Variants in PRKCA observed in about 807,000 individuals in gnomAD.
The protein encoded by PRKCA is protein kinase C alpha type.
PRKCA carries 27 observed loss-of-function variants against 87.0 expected under a neutral mutation model. The ratio of observed to expected loss-of-function variants is 0.31; its 90% CI spans 0.23 to 0.43. The LOEUF (loss-of-function observed/expected upper bound fraction) is 0.43, where lower values mean the gene tolerates loss of function less well. PRKCA is among the 20% of genes least tolerant of loss of function. The pLI is 1.00. For missense variants in PRKCA, 518 were observed against 852.3 expected (o/e 0.61, Z 4.88); for synonymous variants, 329 against 311.1 (o/e 1.06, Z -0.61).
intron 3 of PRKCA, among the ~76,000 whole-genome samples, chr17:66,566,480 G>GTT (rs56912157): frequency 3.0e-3 from 292 of 96,878 alleles, no homozygotes; most frequent in African/African-American, 3.2e-3. Flanking sequence ...TTGTTTTTTG[G>GTT]TTTTTTTTTT....
At chr17:66,316,291 G>GT (rs1905312778) in intron 2 of PRKCA, among the ~76,000 whole-genome samples, 1 of 152,082 alleles carries the variant, frequency 6.6e-6, no homozygotes, top group Non-Finnish European at 1.5e-5. Context: ...TAAATACATG[G>GT]TTTCCTCTTG....
At position 66,808,014 on chromosome 17, in the gene PRKCA, T is replaced by A. The variant is rs1182332195; in HGVS notation, c.*3977T>A. 6.6e-6 allele frequency: 1 copy of A among 152,166 alleles called. No homozygotes were observed. The highest frequency in any genetic ancestry group is 1.5e-5 in the Non-Finnish European group (1 of 68,054). 9.4% of individuals were successfully genotyped at this position (152,166 alleles called of 1,614,324 possible). On this transcript the variant is annotated 3_prime_UTR_variant, in exon 17 of 17. Coordinates refer to ENST00000413366, the MANE Select transcript of PRKCA (RefSeq NM_002737.3). The stretch of plus-strand genomic sequence containing the variant: ...AGTGTTTTGCCAGGGACACAGTCTG[T>A]TCCTCCTCAGAAAACACCCCCCAAA...
chr17:66,735,560 T>C lies in PRKCA; in HGVS notation c.1128T>C (p.Ile376=), dbSNP rs879041600. ...AAATCCTGAAGAAGGATGTGGTGATTCAGGATGATGACGTGGAGTGCACCA... is the reference window on the plus strand; with the variant it reads ...AAATCCTGAAGAAGGATGTGGTGATCCAGGATGATGACGTGGAGTGCACCA... ...AIKILKKDVV[I]QDDDVECTMV... is the part of the protein sequence containing the mutation. Residue 376 remains isoleucine, a synonymous_variant, in exon 10 of 17, where the codon ATT becomes ATC. Coordinates refer to ENST00000413366, the MANE Select transcript of PRKCA (RefSeq NM_002737.3). 6.2e-7 allele frequency: 1 copy of C among 1,614,126 alleles called. No homozygotes were observed.
At chr17:66,604,820 G>T (rs1020665193) in intron 3 of PRKCA, among the ~76,000 whole-genome samples, 3 of 152,164 alleles carry the variant, frequency 2.0e-5, no homozygotes, top group Non-Finnish European at 4.4e-5. Context: ...AATTATGATT[G>T]CACTTCTAGG....
chr17:66,345,455 T>G (rs1907301219), intron 2 of PRKCA, among the ~76,000 whole-genome samples: 1 of 152,190 alleles, frequency 6.6e-6, no homozygotes, highest in South Asian at 2.1e-4. Context: ...CCTAATTAGT[T>G]TTATAAGGAA....
At chr17:66,675,173 G>A (rs993974903) in intron 5 of PRKCA, among the ~76,000 whole-genome samples, 1 of 152,182 alleles carries the variant, frequency 6.6e-6, no homozygotes, top group African/African-American at 2.4e-5. Context: ...TCCAAGTTCA[G>A]GGCACAGGAA....
Position 66,655,540 on chromosome 17 carries a change from T to A in PRKCA, c.529+10029T>A, listed in dbSNP as rs149334527. ...ATGCCATGCCTGAAACCAACCACTT[T>A]CTCTCCATGCCCTTTATAACATGTA... On this transcript the variant is annotated intron_variant, in intron 5 of 16. Transcript: ENST00000413366. Among the ~76,000 whole-genome samples, 25 of 152,298 alleles carry A rather than the reference T, an allele frequency of 1.6e-4. No individual in the cohort carries two copies. The East Asian group carries it at 4.8e-3, about 29-fold the overall frequency.
intron 3 of PRKCA, among the ~76,000 whole-genome samples, chr17:66,579,689 G>T (rs910453548): frequency 2.0e-5 from 3 of 152,150 alleles, no homozygotes; most frequent in African/African-American, 7.2e-5. Flanking sequence ...CTTGAAAGAG[G>T]CCTTTGTGAC....
At position 66,481,245 on chromosome 17, in the gene PRKCA, C is replaced by G. The variant is rs527730290; in HGVS notation, c.206-14956C>G. Among the ~76,000 whole-genome samples, 3 of 152,224 alleles carry G rather than the reference C, an allele frequency of 2.0e-5. No homozygotes were observed. The East Asian group carries it at 5.8e-4, about 29-fold the overall frequency. ...TTCCAAACTAAAAGCTCCAGGGGGG[C>G]CCCTGAGCGAAGTTGATCTTTACAA... On this transcript the variant is annotated intron_variant, in intron 2 of 16. Transcript: ENST00000413366.
intron 3 of PRKCA, among the ~76,000 whole-genome samples, chr17:66,602,310 C>T (rs368196165): frequency 8.5e-5 from 11 of 130,160 alleles, no homozygotes; most frequent in African/African-American, 1.8e-4. Context: ...GCGCAATATT[C>T]GGGTGGGAGT....
At chr17:66,798,379 G>A (rs1283956935) in intron 16 of PRKCA, among the ~76,000 whole-genome samples, 3 of 107,542 alleles carry the variant, frequency 2.8e-5, no homozygotes, top group South Asian at 2.5e-4. Flanking sequence ...TTCAGTAGGC[G>A]GTGGTGGTGG....
chr17:66,390,695 T>C (rs1910311251), intron 2 of PRKCA, among the ~76,000 whole-genome samples: 1 of 152,184 alleles, frequency 6.6e-6, no homozygotes, highest in Non-Finnish European at 1.5e-5. Flanking sequence ...CCCCCTGGGG[T>C]GCACAAAAGG....
intron 5 of PRKCA, among the ~76,000 whole-genome samples, chr17:66,683,605 TG>T (rs992975662): frequency 2.0e-5 from 3 of 149,948 alleles, no homozygotes; most frequent in Non-Finnish European, 4.4e-5. Context: ...TATCTTTTTT[TG>T]GGGGGGTCGG....
At chr17:66,412,837 G>A (rs1911892146) in intron 2 of PRKCA, 1 of 152,100 alleles carries the variant, frequency 6.6e-6, no homozygotes, top group Admixed American at 6.6e-5. Context: ...TCTCTAAAAC[G>A]TGAGGATTTC....
At position 66,610,018 on chromosome 17, in the gene PRKCA, C is replaced by T. The variant is rs9901547; in HGVS notation, c.289-31337C>T. Among the ~76,000 whole-genome samples, 504 of 151,986 alleles carry T rather than the reference C, an allele frequency of 3.3e-3. 4 individuals are homozygous for T. The highest frequency in any genetic ancestry group is 0.011 in the African/African-American group (473 of 41,420). On this transcript the variant is annotated intron_variant, in intron 3 of 16. Coordinates refer to ENST00000413366, the MANE Select transcript of PRKCA (RefSeq NM_002737.3). Reference sequence around the variant, plus strand: ...ATCTACCTGGAGATAGCATCAGGTCCGACAAGATAAGGGTTCAGTCCCACA... The same window carrying T: ...ATCTACCTGGAGATAGCATCAGGTCTGACAAGATAAGGGTTCAGTCCCACA...
At chr17:66,511,390 T>C (rs1366110594) in intron 3 of PRKCA, among the ~76,000 whole-genome samples, 2 of 152,192 alleles carry the variant, frequency 1.3e-5, no homozygotes, top group Non-Finnish European at 2.9e-5. Context: ...GGGGAGTTCA[T>C]ACAGCAGGTC....
intron 5 of PRKCA, among the ~76,000 whole-genome samples, chr17:66,658,019 A>G (rs1971782615): frequency 6.6e-6 from 1 of 152,190 alleles, no homozygotes; most frequent in Non-Finnish European, 1.5e-5. Context: ...GAGACTGGTA[A>G]TTTCTAGAGG....
chr17:66,389,966 G>A (rs1282600558), intron 2 of PRKCA, among the ~76,000 whole-genome samples: 1 of 152,252 alleles, frequency 6.6e-6, no homozygotes, highest in East Asian at 1.9e-4. Flanking sequence ...GCTCACGCCT[G>A]TAATCCCAGC....
At chr17:66,765,449 T>TATAG (rs1974787773) in intron 13 of PRKCA, among the ~76,000 whole-genome samples, 1 of 140,210 alleles carries the variant, frequency 7.1e-6, no homozygotes, top group Non-Finnish European at 1.5e-5. Context: ...TATATATATA[T>TATAG]ATATATCCAT....
Sources: allele counts gnomAD v4.1 joint callset (sites outside exome capture counted in the v4.1 genomes callset), GRCh38; gene constraint gnomAD v4.1.1; transcripts MANE v1.5; gene names NCBI Gene and HGNC (gene_info 2026-07-23, HGNC 2026-07-21).